GABRG2: variants seen among roughly 807,000 people sequenced by gnomAD.
GABRG2 encodes gamma-aminobutyric acid type A receptor subunit gamma2, also known as gamma-aminobutyric acid receptor subunit gamma-2.
In GABRG2, 16 loss-of-function variants were observed where a neutral mutation model predicts 56.4. That is an observed-to-expected ratio of 0.28 (90% CI 0.19 to 0.43). The LOEUF is 0.43. GABRG2 is among the 20% of genes least tolerant of loss of function. The pLI is 1.00. For missense variants in GABRG2, 327 were observed against 582.7 expected, an observed-to-expected ratio of 0.56 and a Z score of 4.52; for synonymous variants, 208 against 205.5, an observed-to-expected ratio of 1.01 and a Z score of -0.10.
At chr5:162,119,577 A>G (rs768016790) in intron 6 of GABRG2, among the ~76,000 whole-genome samples, 7 of 152,126 alleles carry the variant, frequency 4.6e-5, no homozygotes, top group Non-Finnish European at 1.0e-4. Flanking sequence ...TCAAGAAGGT[A>G]AATTTTCCTT....
At chr5:162,097,092 C>T (rs1481876757) in intron 3 of GABRG2, among the ~76,000 whole-genome samples, 2 of 152,082 alleles carry the variant, frequency 1.3e-5, no homozygotes, top group Non-Finnish European at 2.9e-5. Context: ...TTCCAGATCT[C>T]CTGCTTATGA....
intron 6 of GABRG2, among the ~76,000 whole-genome samples, chr5:162,141,831 T>C (rs371436529): frequency 6.0e-4 from 92 of 152,212 alleles, no homozygotes; most frequent in Middle Eastern, 3.4e-3. Context: ...GTAGAAATAC[T>C]GTTCCCTACC....
intron 6 of GABRG2, among the ~76,000 whole-genome samples, chr5:162,130,326 T>C (rs1461576885): frequency 6.6e-6 from 1 of 151,888 alleles, no homozygotes; most frequent in Non-Finnish European, 1.5e-5. Context: ...TGGGGAACAT[T>C]TTGTGATTTG....
intron 3 of GABRG2, among the ~76,000 whole-genome samples, chr5:162,097,212 G>T (rs1348328602): frequency 6.6e-6 from 1 of 152,100 alleles, no homozygotes; most frequent in Non-Finnish European, 1.5e-5. Context: ...AATTTTAGTT[G>T]TCATTACTTG....
intron 3 of GABRG2, among the ~76,000 whole-genome samples, chr5:162,097,341 A>G (rs1386055284): frequency 6.6e-6 from 1 of 152,182 alleles, no homozygotes; most frequent in Non-Finnish European, 1.5e-5. Flanking sequence ...TAGCTGGCTC[A>G]AAACAACACA....
chr5:162,130,726 G>T (rs915869460), intron 6 of GABRG2, among the ~76,000 whole-genome samples: 1 of 151,924 alleles, frequency 6.6e-6, no homozygotes, highest in African/African-American at 2.4e-5. Context: ...TTGATTGCAG[G>T]TAACCTTGGT....
intron 7 of GABRG2, among the ~76,000 whole-genome samples, chr5:162,148,626 A>C (rs1364090706): frequency 1.3e-5 from 2 of 152,174 alleles, no homozygotes; most frequent in East Asian, 3.9e-4. Context: ...AGGTCTTCTA[A>C]AAATTTAAAT....
intron 4 of GABRG2, chr5:162,100,084 T>C (rs1198600165): frequency 2.6e-5 from 4 of 152,126 alleles, no homozygotes; most frequent in Non-Finnish European, 1.5e-5. Flanking sequence ...TAGATAATCT[T>C]GGGTCCAAAT....
At chr5:162,103,780 T>A in intron 5 of GABRG2, 109 bp from the exon 6 acceptor site, 1 of 1,234,488 alleles carries the variant, frequency 8.1e-7, no homozygotes, top group Non-Finnish European at 1.2e-6. Context: ...TCATTTAGCT[T>A]GTAACTATCT....
At chr5:162,085,887 T>C (rs1760057371) in intron 1 of GABRG2, among the ~76,000 whole-genome samples, 1 of 151,946 alleles carries the variant, frequency 6.6e-6, no homozygotes, top group East Asian at 1.9e-4. Context: ...GCTCCATTCA[T>C]GTCCCTGCAA....
intron 1 of GABRG2, among the ~76,000 whole-genome samples, chr5:162,087,324 T>C (rs1423838894): frequency 6.6e-6 from 1 of 152,112 alleles, no homozygotes; most frequent in Non-Finnish European, 1.5e-5. Context: ...TCATATTTTA[T>C]GCTAGTGGTA....
At chr5:162,133,831 T>C (rs1763928940) in intron 6 of GABRG2, among the ~76,000 whole-genome samples, 2 of 152,074 alleles carry the variant, frequency 1.3e-5, no homozygotes, top group Admixed American at 1.3e-4. Flanking sequence ...AACCACTACA[T>C]TTGGAGGCTT....
chr5:162,141,130 G>A (rs1037776359), intron 6 of GABRG2, among the ~76,000 whole-genome samples: 3 of 151,886 alleles, frequency 2.0e-5, no homozygotes, highest in Non-Finnish European at 2.9e-5. Context: ...TCCGCCTCCC[G>A]GGTTCACGCC....
chr5:162,101,157 A>G, intron 4 of GABRG2, 78 bp from the exon 5 acceptor site: 1 of 960,406 alleles, frequency 1.0e-6, no homozygotes, highest in Non-Finnish European at 1.7e-6. Flanking sequence ...CTAGAAAAAC[A>G]ATCATTTAAA....
chr5:162,069,015 AACCT>A (rs1304716082), intron 1 of GABRG2, among the ~76,000 whole-genome samples: 1 of 152,128 alleles, frequency 6.6e-6, no homozygotes, highest in Non-Finnish European at 1.5e-5. Flanking sequence ...AATGTTTTAA[AACCT>A]TGCTGCACTG....
At chr5:162,087,533 C>A (rs1395844782) in intron 1 of GABRG2, among the ~76,000 whole-genome samples, 1 of 151,942 alleles carries the variant, frequency 6.6e-6, no homozygotes, top group African/African-American at 2.4e-5. Context: ...TGGATACATA[C>A]AAAGAAGCAT....
intron 5 of GABRG2, 82 bp from the exon 6 acceptor site, chr5:162,103,807 C>T: frequency 1.4e-6 from 2 of 1,451,028 alleles, no homozygotes. Context: ...GTCTTTACCT[C>T]AGTGTCATGT....
At chr5:162,135,241 C>A (rs1764039077) in intron 6 of GABRG2, among the ~76,000 whole-genome samples, 1 of 151,864 alleles carries the variant, frequency 6.6e-6, no homozygotes, top group South Asian at 2.1e-4. Context: ...TCTTGGCAAG[C>A]ATTTAGGATT....
intron 1 of GABRG2, among the ~76,000 whole-genome samples, chr5:162,071,155 G>A (rs1758645639): frequency 6.6e-6 from 1 of 151,368 alleles, no homozygotes; most frequent in African/African-American, 2.4e-5. Flanking sequence ...AAATGTGTAT[G>A]TGATTATATT....
Sources: allele counts gnomAD v4.1 joint callset (sites outside exome capture counted in the v4.1 genomes callset), GRCh38; gene constraint gnomAD v4.1.1; transcripts MANE v1.5; gene names NCBI Gene and HGNC (gene_info 2026-07-23, HGNC 2026-07-21).